ELOVL6: variants seen among roughly 807,000 people sequenced by gnomAD.
The protein encoded by ELOVL6 is ELOVL fatty acid elongase 6.
ELOVL6 carries 8 observed loss-of-function variants against 31.7 expected under a neutral mutation model. The ratio of observed to expected loss-of-function variants is 0.25; its 90% confidence interval spans 0.15 to 0.45. The LOEUF is 0.45. Among genes scored for constraint, ELOVL6 ranks in the 20% least tolerant of loss-of-function variants. The probability of loss-of-function intolerance (pLI) is 1.00; values close to 1 mark genes in which losing one functional copy is unlikely to be tolerated. For synonymous variants in ELOVL6, 101 were observed against 117.7 expected (o/e 0.86, Z 0.92); for missense variants, 126 against 326.4 (o/e 0.39, Z 4.73).
intron 1 of ELOVL6, among the ~76,000 whole-genome samples, chr4:110,159,989 T>A (rs984507523): frequency 6.6e-6 from 1 of 152,188 alleles, no homozygotes; most frequent in African/African-American, 2.4e-5. Context: ...ATTTTTCTTA[T>A]GGATTGGTAC....
intron 1 of ELOVL6, among the ~76,000 whole-genome samples, chr4:110,180,321 TG>T (rs1485438867): frequency 2.6e-5 from 4 of 152,218 alleles, no homozygotes; most frequent in Non-Finnish European, 5.9e-5. Context: ...AATTAACATT[TG>T]CTGGATTTAA....
Position 110,198,599 on chromosome 4 carries a change from T to C in ELOVL6, c.-264A>G, listed in dbSNP as rs1004448399. 44 of 415,826 alleles carry C rather than the reference T, an allele frequency of 1.1e-4. No homozygotes were observed. Among genetic ancestry groups the C allele is most frequent in the Middle Eastern group, 6.3e-4 (1 of 1,600 alleles). 25.8% of individuals were successfully genotyped at this position (415,826 alleles called of 1,614,324 possible). A position where few individuals can be genotyped will look rare whatever the true frequency, so the allele number is the denominator to read the frequency against. On this transcript the variant is annotated 5_prime_UTR_variant, in exon 1 of 4. Coordinates refer to ENST00000302274, the MANE Select transcript of ELOVL6 (RefSeq NM_024090.3). ...CGCATCCACCGTAGGAGGAAATGAA[T>C]GCCTTGCGGTCTTAGTGCCCGCACG...
At chr4:110,144,272 T>C (rs1041620494) in intron 1 of ELOVL6, among the ~76,000 whole-genome samples, 2 of 152,148 alleles carry the variant, frequency 1.3e-5, no homozygotes, top group African/African-American at 2.4e-5. Flanking sequence ...TCCATTCCAA[T>C]CAAGAATCCT....
At chr4:110,096,271 C>T (rs2126242078) in intron 2 of ELOVL6, among the ~76,000 whole-genome samples, 1 of 152,176 alleles carries the variant, frequency 6.6e-6, no homozygotes, top group East Asian at 1.9e-4. Context: ...CTGAGCAGAC[C>T]AAGTTGCATG....
intron 1 of ELOVL6, among the ~76,000 whole-genome samples, chr4:110,147,799 A>G (rs910860574): frequency 6.6e-6 from 1 of 151,656 alleles, no homozygotes; most frequent in Non-Finnish European, 1.5e-5. Context: ...ACACACACAC[A>G]CACACACACA....
chr4:110,097,495 T>C (rs1457344571), intron 2 of ELOVL6, among the ~76,000 whole-genome samples: 1 of 152,120 alleles, frequency 6.6e-6, no homozygotes, highest in East Asian at 1.9e-4. Context: ...TACTATTTTA[T>C]TAAGATTTTT....
intron 3 of ELOVL6, among the ~76,000 whole-genome samples, chr4:110,059,124 C>T (rs865795915): frequency 1.3e-5 from 2 of 152,144 alleles, no homozygotes; most frequent in Non-Finnish European, 2.9e-5. Flanking sequence ...AAATCAAACA[C>T]CACCAGAGAC....
Position 110,084,137 on chromosome 4 carries a change from GAT to G in ELOVL6, c.221+21358_221+21359del, listed in dbSNP as rs1208624293. Among the ~76,000 whole-genome samples the G allele has an allele frequency of 6.6e-5, 4 of 60,908 alleles. 1 individual carries two copies. Among genetic ancestry groups the G allele is most frequent in the Non-Finnish European group, 9.9e-5 (4 of 40,560 alleles). 40.0% of individuals were successfully genotyped at this position (60,908 alleles called of 152,430 possible). A position where few individuals can be genotyped will look rare whatever the true frequency, so the allele number is the denominator to read the frequency against. ...ATATATATAACATATATGTGATAATGATATATATGATATATATAACATATATG... is the reference window on the plus strand; with the variant it reads ...ATATATATAACATATATGTGATAATGATATATGATATATATAACATATATG... On this transcript the variant is annotated intron_variant, in intron 2 of 3. Transcript: ENST00000302274.
At chr4:110,101,636 G>C (rs1756745001) in intron 2 of ELOVL6, among the ~76,000 whole-genome samples, 1 of 152,052 alleles carries the variant, frequency 6.6e-6, no homozygotes, top group Non-Finnish European at 1.5e-5. Flanking sequence ...CAACCAACCT[G>C]TACAAATGCT....
chr4:110,084,269 T>G (rs192958035), intron 2 of ELOVL6, among the ~76,000 whole-genome samples: 2 of 114,084 alleles, frequency 1.8e-5, no homozygotes, highest in Non-Finnish European at 3.2e-5. Context: ...AGCTTATATG[T>G]GATATATAAC....
At chr4:110,095,804 G>A (rs1756564941) in intron 2 of ELOVL6, among the ~76,000 whole-genome samples, 1 of 142,016 alleles carries the variant, frequency 7.0e-6, no homozygotes, top group South Asian at 2.3e-4. Context: ...AGGGTCCAGG[G>A]TGGAACAGGT....
chr4:110,059,857 A>C, intron 2 of ELOVL6, 103 bp from the exon 3 acceptor site: 1 of 907,960 alleles, frequency 1.1e-6, no homozygotes, highest in Non-Finnish European at 1.7e-6. Context: ...GGAAATAGGC[A>C]TAAGAATCAT....
intron 2 of ELOVL6, among the ~76,000 whole-genome samples, chr4:110,067,719 C>G (rs1311495198): frequency 1.3e-5 from 2 of 152,124 alleles, no homozygotes; most frequent in Admixed American, 1.3e-4. Flanking sequence ...ACATAAGGAG[C>G]AGGACAATAT....
In ELOVL6 at chr4:110,132,102, T is replaced by C. The variant is rs564300524; in HGVS notation, c.90-26474A>G. Among the ~76,000 whole-genome samples, 372 of 152,224 alleles carry C rather than the reference T, an allele frequency of 2.4e-3. 1 individual carries two copies. The highest frequency in any genetic ancestry group is 8.4e-3 in the African/African-American group (350 of 41,548). Reference sequence around the variant, plus strand: ...GGTGGAGAATTAAGATAAGCTTGTATCTTGAATGACTTTTATGCTCGAATG... The same window carrying C: ...GGTGGAGAATTAAGATAAGCTTGTACCTTGAATGACTTTTATGCTCGAATG... On this transcript the variant is annotated intron_variant, in intron 1 of 3. Transcript: ENST00000302274.
At chr4:110,071,783 C>T (rs1187486447) in intron 2 of ELOVL6, among the ~76,000 whole-genome samples, 1 of 152,196 alleles carries the variant, frequency 6.6e-6, no homozygotes, top group South Asian at 2.1e-4. Flanking sequence ...AATACCACCA[C>T]TGAAAAGAGA....
intron 1 of ELOVL6, among the ~76,000 whole-genome samples, chr4:110,109,883 G>T (rs1021394959): frequency 1.3e-5 from 2 of 152,144 alleles, no homozygotes; most frequent in Non-Finnish European, 2.9e-5. Context: ...CTTTCATGTC[G>T]TATCTACATG....
rs951677754 is a variant in ELOVL6, at chr4:110,050,027, T to C, written c.*1311A>G. 1.2e-4 allele frequency: 19 copies of C among 152,422 alleles called. No homozygotes were observed. The highest frequency in any genetic ancestry group is 4.1e-4 in the African/African-American group (17 of 41,402). The allele number at this position is 152,422 out of a possible 1,614,324, so 9.4% of individuals were successfully genotyped here. ...GGCCAAAGACATGACAAGTATTTCATATCACTTAAAATTTGAGGGATAAGT... is the reference window on the plus strand; with the variant it reads ...GGCCAAAGACATGACAAGTATTTCACATCACTTAAAATTTGAGGGATAAGT... On this transcript the variant is annotated 3_prime_UTR_variant, in exon 4 of 4. Transcript: ENST00000302274.
intron 2 of ELOVL6, among the ~76,000 whole-genome samples, chr4:110,067,326 C>T (rs1318206419): frequency 6.6e-6 from 1 of 152,130 alleles, no homozygotes; most frequent in African/African-American, 2.4e-5. Context: ...AAACCTGAGG[C>T]AAAAATTACA....
intron 2 of ELOVL6, among the ~76,000 whole-genome samples, chr4:110,083,049 GTTGT>G (rs1366553789): frequency 6.6e-6 from 1 of 151,500 alleles, no homozygotes; most frequent in Non-Finnish European, 1.5e-5. Flanking sequence ...ATTTAATTAG[GTTGT>G]TTCTCTCTGG....
Sources: gnomAD v4.1 joint callset for allele counts (sites outside exome capture counted in the v4.1 genomes callset) on GRCh38, gnomAD v4.1.1 for gene constraint, MANE v1.5 for transcripts, NCBI Gene and HGNC (gene_info 2026-07-23, HGNC 2026-07-21) for gene names.